NWD2: variants seen among roughly 807,000 people sequenced by gnomAD.
NWD2 encodes the protein NACHT and WD repeat domain-containing protein 2.
A neutral mutation model predicts 132.7 loss-of-function variants in NWD2; 37 were observed. That is an observed-to-expected ratio of 0.28 (90% confidence interval 0.21 to 0.37). NWD2 has a LOEUF of 0.37. Ranked by LOEUF, NWD2 falls within the 10% of genes least tolerant of loss-of-function variation. The pLI is 1.00. For synonymous variants in NWD2, 705 were observed against 803.0 expected, an observed-to-expected ratio of 0.88 and a Z score of 2.06; for missense variants, 1,592 against 2,122.4, an observed-to-expected ratio of 0.75 and a Z score of 4.91.
intron 1 of NWD2, among the ~76,000 whole-genome samples, chr4:37,285,725 T>C (rs1278335876): frequency 6.6e-6 from 1 of 152,154 alleles, no homozygotes; most frequent in African/African-American, 2.4e-5. Flanking sequence ...CTAATACATG[T>C]CTATATATTT....
At chr4:37,418,185 A>G (rs906287014) in intron 3 of NWD2, among the ~76,000 whole-genome samples, 1 of 152,130 alleles carries the variant, frequency 6.6e-6, no homozygotes, top group Non-Finnish European at 1.5e-5. Flanking sequence ...CAAAGGGCCC[A>G]GGAAGCCAAC....
intron 1 of NWD2, among the ~76,000 whole-genome samples, chr4:37,281,806 A>G (rs543075759): frequency 6.6e-6 from 1 of 152,328 alleles, no homozygotes; most frequent in African/African-American, 2.4e-5. Flanking sequence ...TAACATTTCG[A>G]TAATCATGGT....
chr4:37,324,628 T>C (rs1044330869), intron 1 of NWD2, among the ~76,000 whole-genome samples: 1 of 152,132 alleles, frequency 6.6e-6, no homozygotes, highest in Non-Finnish European at 1.5e-5. Flanking sequence ...CCGATGGGTG[T>C]CCCGCTTTTT....
chr4:37,280,743 C>T (rs529839690), intron 1 of NWD2, among the ~76,000 whole-genome samples: 37 of 152,146 alleles, frequency 2.4e-4, no homozygotes, highest in African/African-American at 8.4e-4. Flanking sequence ...TACAGCACCC[C>T]GGGGCTAACA....
rs1385445831 is a variant in NWD2, at chr4:37,345,553, G to T, written c.241-10813G>T. Among the ~76,000 whole-genome samples, 3 of 151,990 alleles carry T rather than the reference G, an allele frequency of 2.0e-5. No individual in the cohort carries two copies. The East Asian group carries it at 5.8e-4, about 29-fold the overall frequency. ...TTGCCCATTTTTAAGTGAGTTATTTGTCCTTTTATTACTGAGTTGTAGGAG... is the reference window on the plus strand; with the variant it reads ...TTGCCCATTTTTAAGTGAGTTATTTTTCCTTTTATTACTGAGTTGTAGGAG... On this transcript the variant is annotated intron_variant, in intron 2 of 6. Coordinates refer to ENST00000309447, the MANE Select transcript of NWD2 (RefSeq NM_001144990.2).
rs114753368 is a variant in NWD2 at position 37,344,485 on chromosome 4, A to G, written c.241-11881A>G. 2.6e-3 allele frequency among the ~76,000 whole-genome samples: 390 copies of G among 152,306 alleles called. 1 individual carries two copies. Among genetic ancestry groups the G allele is most frequent in the African/African-American group, 8.7e-3 (362 of 41,570 alleles). On this transcript the variant is annotated intron_variant, in intron 2 of 6. Transcript: ENST00000309447. Reference sequence around the variant, plus strand: ...CTATGAAGGCCTGGATGAGGGCAATACTGGTAGCCAAACTATAAGGAAATA... The same window carrying G: ...CTATGAAGGCCTGGATGAGGGCAATGCTGGTAGCCAAACTATAAGGAAATA...
At chr4:37,293,033 T>G (rs1718397727) in intron 1 of NWD2, among the ~76,000 whole-genome samples, 1 of 152,226 alleles carries the variant, frequency 6.6e-6, no homozygotes, top group Non-Finnish European at 1.5e-5. Flanking sequence ...TTAAATCTAT[T>G]TTCTGAAAAT....
chr4:37,334,322 A>G (rs1336490099), intron 2 of NWD2, among the ~76,000 whole-genome samples: 1 of 152,178 alleles, frequency 6.6e-6, no homozygotes. Flanking sequence ...ATCTCTCTTT[A>G]ATGTAGTTCC....
intron 1 of NWD2, among the ~76,000 whole-genome samples, chr4:37,266,873 G>A (rs566393355): frequency 4.6e-5 from 7 of 152,078 alleles, no homozygotes; most frequent in South Asian, 4.1e-4. Context: ...CAGTAAAAGC[G>A]TTGAATTGGG....
intron 3 of NWD2, among the ~76,000 whole-genome samples, chr4:37,419,812 T>A (rs970374425): frequency 2.6e-5 from 4 of 152,232 alleles, no homozygotes; most frequent in Non-Finnish European, 5.9e-5. Flanking sequence ...ATATTAACAC[T>A]GGTAAATCAA....
At chr4:37,253,282 C>T (rs964625017) in intron 1 of NWD2, among the ~76,000 whole-genome samples, 3 of 152,142 alleles carry the variant, frequency 2.0e-5, no homozygotes, top group Non-Finnish European at 4.4e-5. Context: ...CACCATTTTT[C>T]CTGATAAAGA....
intron 1 of NWD2, among the ~76,000 whole-genome samples, chr4:37,281,110 A>T (rs1283979044): frequency 2.6e-5 from 4 of 152,158 alleles, no homozygotes; most frequent in African/African-American, 7.2e-5. Context: ...CTTCTGAGGG[A>T]CAGTCCAAGG....
intron 1 of NWD2, among the ~76,000 whole-genome samples, chr4:37,264,721 C>T (rs571424857): frequency 2.6e-5 from 4 of 152,072 alleles, no homozygotes; most frequent in African/African-American, 7.2e-5. Context: ...AGAATCTAGC[C>T]CTTTTTTATT....
At chr4:37,357,902 T>G (rs981237357) in intron 3 of NWD2, among the ~76,000 whole-genome samples, 1 of 151,886 alleles carries the variant, frequency 6.6e-6, no homozygotes, top group African/African-American at 2.4e-5. Context: ...AAGAACCAGG[T>G]GTGGATATTC....
At chr4:37,422,613 C>T (rs1247515188) in intron 3 of NWD2, among the ~76,000 whole-genome samples, 1 of 152,136 alleles carries the variant, frequency 6.6e-6, no homozygotes, top group Admixed American at 6.5e-5. Context: ...ATGTGTTTCT[C>T]TATAAACTAT....
At chr4:37,350,025 T>G (rs1042171145) in intron 2 of NWD2, among the ~76,000 whole-genome samples, 12 of 152,076 alleles carry the variant, frequency 7.9e-5, no homozygotes, top group Admixed American at 6.6e-4. Flanking sequence ...TGAGGCCTCT[T>G]TCCTGTTCCA....
At chr4:37,438,138 G>C (rs1449335156) in intron 5 of NWD2, among the ~76,000 whole-genome samples, 3 of 152,028 alleles carry the variant, frequency 2.0e-5, no homozygotes, top group Admixed American at 2.0e-4. Context: ...GCGGGTGCCT[G>C]TAGTCCCAGC....
intron 3 of NWD2, among the ~76,000 whole-genome samples, chr4:37,385,509 C>A (rs1044431712): frequency 2.6e-5 from 4 of 152,042 alleles, no homozygotes; most frequent in African/African-American, 7.2e-5. Context: ...AGGTAAATAC[C>A]AAAAAGAGAT....
intron 2 of NWD2, among the ~76,000 whole-genome samples, chr4:37,353,601 A>C (rs990044583): frequency 2.6e-5 from 4 of 151,720 alleles, no homozygotes; most frequent in Non-Finnish European, 5.9e-5. Context: ...GTTGATCTTC[A>C]ATCTCTGATA....
Sources: allele counts gnomAD v4.1 joint callset (sites outside exome capture counted in the v4.1 genomes callset), GRCh38; gene constraint gnomAD v4.1.1; transcripts MANE v1.5; gene names NCBI Gene and HGNC (gene_info 2026-07-23, HGNC 2026-07-21).